The following FLNA variants were observed in gnomAD, a reference collection of about 807,000 sequenced individuals.
FLNA encodes the protein filamin-A.
In FLNA, 7 loss-of-function variants were observed where a neutral mutation model predicts 157.6. The ratio of observed to expected loss-of-function variants is 0.04; its 90% confidence interval spans 0.03 to 0.08. The LOEUF (loss-of-function observed/expected upper bound fraction) is 0.08, where lower values mean the gene tolerates loss of function less well. Among genes scored for constraint, FLNA ranks in the 10% least tolerant of loss-of-function variants. The pLI is 1.00. For missense variants in FLNA, 1,750 were observed against 2,398.4 expected, an observed-to-expected ratio of 0.73 and a Z score of 5.65; for synonymous variants, 1,103 against 1,060.8, an observed-to-expected ratio of 1.04 and a Z score of -0.77.
chrX:154,358,244 G>A lies in FLNA; in HGVS notation c.4710C>T (p.Ile1570=), dbSNP rs1001333218. Residue 1570 remains isoleucine, a synonymous_variant, in exon 28 of 48, where the codon ATC becomes ATT. Transcript: ENST00000369850. ...VPASLPVEFT[I]DAKDAGEGLL... ...GGCCCTCCCCGGCGTCCTTTGCATC[G>A]ATGGTGAACTCCACGGGCAGGCTGG... 9 of 1,209,661 alleles carry A rather than the reference G, an allele frequency of 7.4e-6. No homozygotes were observed. The highest frequency in any genetic ancestry group is 5.2e-5 in the African/African-American group (3 of 57,360).
In FLNA at chrX:154,354,431, C is replaced by A; in HGVS notation, c.5366G>T (p.Arg1789Met). 8.3e-7 allele frequency: 1 copy of A among 1,211,946 alleles called. No individual in the cohort carries two copies. Among genetic ancestry groups the A allele is most frequent in the Non-Finnish European group, 1.1e-6 (1 of 895,616 alleles). ...GAAGGGGATGACAAGGTCAAAGGGC[C>A]TCAGGCTGGTCACATCCAGCCCATT... ...GVNGLDVTSL[R>M]PFDLVIPFTI... Residue 1789 changes from arginine (R) to methionine (M), a missense_variant, in exon 33 of 48, where the codon AGG (arginine) becomes ATG (methionine). This residue lies in a region of FLNA where 970 missense variants were observed against 1,302.6 expected (regional missense o/e 0.74). Transcript: ENST00000369850.
chrX:154,356,719 C>T (rs1003077041), intron 30 of FLNA, among the ~76,000 whole-genome samples: 5 of 112,508 alleles, frequency 4.4e-5, no homozygotes, highest in African/African-American at 1.6e-4. Flanking sequence ...GGCCGGGCCC[C>T]GCCATGCTGG....
At chrX:154,354,777 C>G in intron 31 of FLNA, 48 bp downstream of exon 31, 1 of 1,210,648 alleles carries the variant, frequency 8.3e-7, no homozygotes, top group Non-Finnish European at 1.1e-6. Flanking sequence ...GGGAACAGGC[C>G]GGGACCTGCC....
chrX:154,359,064 G>A lies in FLNA; in HGVS notation c.4394C>T (p.Ala1465Val). Residue 1465 changes from alanine to valine, a missense_variant, in exon 26 of 48, where the codon GCC (alanine) becomes GTC (valine). By Grantham distance (64) the Ala-to-Val change is moderately conservative (BLOSUM62 0). This residue lies in a region of FLNA where 970 missense variants were observed against 1,302.6 expected (regional missense o/e 0.74). Coordinates refer to ENST00000369850, the MANE Select transcript of FLNA (RefSeq NM_001110556.2). ...CACCTGGAAGGACTGAGGGAGGTTG[G>A]CACGAACCATGCCTGGGCTCAGGCC... ...GPGLSPGMVR[A>V]NLPQSFQVDT... The A allele has an allele frequency of 1.7e-6, 2 of 1,211,332 alleles. No individual in the cohort carries two copies. Among genetic ancestry groups the A allele is most frequent in the Non-Finnish European group, 2.2e-6 (2 of 895,375 alleles).
chrX:154,366,863 G>A lies in FLNA; in HGVS notation c.869-13C>T. The A allele has an allele frequency of 1.7e-6, 2 of 1,181,304 alleles. No individual in the cohort carries two copies. The highest frequency in any genetic ancestry group is 3.0e-5 in the East Asian group (1 of 33,749). ...GTGGGCTCGATGCCTGGCAGGGGAA[G>A]GCGAGCCAACCACGGGCCAGCTGTT... On this transcript the variant is annotated splice_polypyrimidine_tract_variant and intron_variant, in intron 5 of 47. Transcript: ENST00000369850.
chrX:154,350,369 G>C (rs189451150), intron 44 of FLNA, 162 bp from the exon 45 acceptor site: 632 of 480,311 alleles, frequency 1.3e-3, no homozygotes, highest in Non-Finnish European at 2.1e-3. Flanking sequence ...ACCTCCTGAG[G>C]GCCGAAGGTT....
At chrX:154,351,733 CT>C in intron 42 of FLNA, 37 bp from the exon 43 acceptor site, 1 of 1,117,366 alleles carries the variant, frequency 8.9e-7, no homozygotes, top group Non-Finnish European at 1.2e-6. Flanking sequence ...GCTCATCAGC[CT>C]TTGGGCCTCC....
intron 12 of FLNA, 37 bp from the exon 13 acceptor site, chrX:154,364,756 C>T (rs1453527899): frequency 8.3e-7 from 1 of 1,209,554 alleles, no homozygotes; most frequent in East Asian, 3.0e-5. Flanking sequence ...TGCCCTGGAG[C>T]CTCAGGGTGG....
chrX:154,366,701 C>A (rs782216869), intron 6 of FLNA, 31 bp downstream of exon 6: 2 of 1,198,548 alleles, frequency 1.7e-6, no homozygotes, highest in South Asian at 3.5e-5. Context: ...GGGAGCGCTG[C>A]GGGGCCTCTG....
At chrX:154,355,612 C>G (rs1248234299) in intron 30 of FLNA, among the ~76,000 whole-genome samples, 1 of 113,266 alleles carries the variant, frequency 8.8e-6, no homozygotes. Context: ...AAAAGCAGCC[C>G]GGTGCAGACA....
rs782606152 is a variant in FLNA at position 154,365,278 on chromosome X, C to T, written c.1568-19G>A. 2.0e-5 allele frequency: 24 copies of T among 1,210,808 alleles called. No individual in the cohort carries two copies. The Admixed American group carries it at 5.2e-4, about 26-fold the overall frequency. On this transcript the variant is annotated intron_variant, in intron 10 of 47. Transcript: ENST00000369850. ...TCTCCCTCTGCCAAGACAAGGAGGGCCTCAGGCCTGCCCAGCAGTGAACCC... is the reference window on the plus strand; with the variant it reads ...TCTCCCTCTGCCAAGACAAGGAGGGTCTCAGGCCTGCCCAGCAGTGAACCC...
At chrX:154,362,370 A>T (rs917944862) in intron 17 of FLNA, 38 bp from the exon 18 acceptor site, 5 of 1,207,829 alleles carry the variant, frequency 4.1e-6, no homozygotes, top group Non-Finnish European at 4.5e-6. Context: ...AGAGGAGGGC[A>T]GACGTCATCC....
intron 42 of FLNA, 57 bp from the exon 43 acceptor site, chrX:154,351,753 A>G: frequency 9.0e-7 from 1 of 1,115,836 alleles, no homozygotes; most frequent in East Asian, 3.0e-5. Flanking sequence ...CCCACCTCCC[A>G]CGAACAGCCT....
chrX:154,360,317 C>A lies in FLNA; in HGVS notation c.3478G>T (p.Ala1160Ser). 8.3e-7 allele frequency: 1 copy of A among 1,211,699 alleles called. No individual in the cohort carries two copies. The highest frequency in any genetic ancestry group is 1.8e-5 in the South Asian group (1 of 57,065). Residue 1160 changes from alanine to serine, a missense_variant, in exon 22 of 48, where the codon GCA becomes TCA. By Grantham distance (99) the Ala-to-Ser change is moderately conservative. Around this residue, in one of 5 missense-constraint regions of FLNA, gnomAD observed 648 missense variants for 805.8 expected, o/e 0.80. Transcript: ENST00000369850. ...GGGCCTGAGCACTTGACTTTGGATG[C>A]GTCAAAGCAGGGAACCACGTGGGCC... is the stretch of plus-strand genomic sequence containing the variant. ...FKAHVVPCFD[A>S]SKVKCSGPGL... is the part of the protein sequence containing the mutation.
intron 2 of FLNA, 41 bp downstream of exon 2, chrX:154,370,832 T>TCCCCGC (rs1569551918): frequency 8.4e-7 from 1 of 1,194,671 alleles, no homozygotes; most frequent in Admixed American, 2.2e-5. Flanking sequence ...ACGCACGGAG[T>TCCCCGC]CCCCGCCCCC....
intron 2 of FLNA, among the ~76,000 whole-genome samples, chrX:154,370,585 G>T (rs2067797642): frequency 8.8e-6 from 1 of 113,115 alleles, no homozygotes. Flanking sequence ...CACTCCCACC[G>T]CGAGCACAGC....
At position 154,360,192 on chromosome X, in the gene FLNA, C is replaced by T. The variant is rs371608258; in HGVS notation, c.3603G>A (p.Ala1201=). 1.3e-5 allele frequency: 16 copies of T among 1,208,897 alleles called. No homozygotes were observed. Among genetic ancestry groups the T allele is most frequent in the South Asian group, 3.5e-5 (2 of 56,954 alleles). The change falls in exon 22 of 48, where the codon GCG becomes GCA. Residue 1201 remains alanine, a synonymous_variant. Coordinates refer to ENST00000369850, the MANE Select transcript of FLNA (RefSeq NM_001110556.2). ...AELTIEICSE[A]GLPAEVYIQD... ...GGATGTACACCTCGGCCGGAAGCCC[C>T]GCCTCCGAGCAGATCTCAATGGTCA... is the stretch of plus-strand genomic sequence containing the variant.
chrX:154,351,078 T>C (rs1557175674), intron 43 of FLNA, 37 bp from the exon 44 acceptor site: 2 of 1,206,371 alleles, frequency 1.7e-6, no homozygotes, highest in African/African-American at 3.5e-5. Flanking sequence ...TGGGGGTGCT[T>C]GAGCCAGGGC....
At chrX:154,355,141 G>C in intron 30 of FLNA, 69 bp from the exon 31 acceptor site, 2 of 1,108,773 alleles carry the variant, frequency 1.8e-6, no homozygotes, top group East Asian at 6.1e-5. Context: ...GTTCCCGTCC[G>C]CCTGCCGCCC....
Sources: gnomAD v4.1 joint callset for allele counts (sites outside exome capture counted in the v4.1 genomes callset) on GRCh38, gnomAD v4.1.1 for gene constraint, gnomAD v4.1.1 regional missense constraint, MANE v1.5 for transcripts, NCBI Gene and HGNC (gene_info 2026-07-23, HGNC 2026-07-21) for gene names.